Variants in ARHGAP6 observed in about 807,000 individuals in gnomAD.
ARHGAP6 encodes the protein Rho GTPase activating protein 6.
A neutral mutation model predicts 55.7 loss-of-function variants in ARHGAP6; 16 were observed. That is an observed-to-expected ratio of 0.29 (90% CI 0.19 to 0.44). The LOEUF (loss-of-function observed/expected upper bound fraction) is 0.44, where lower values mean the gene tolerates loss of function less well. Among genes scored for constraint, ARHGAP6 ranks in the 20% least tolerant of loss-of-function variants. The probability of loss-of-function intolerance (pLI) is 1.00; values close to 1 mark genes in which losing one functional copy is unlikely to be tolerated. For missense variants in ARHGAP6, 698 were observed against 808.9 expected (o/e 0.86, Z 1.66); for synonymous variants, 382 against 360.9 (o/e 1.06, Z -0.66).
intron 1 of ARHGAP6, among the ~76,000 whole-genome samples, chrX:11,403,686 C>A (rs1283651004): frequency 4.5e-5 from 5 of 112,143 alleles, no homozygotes; most frequent in East Asian, 5.6e-4. Flanking sequence ...AAGGCGCTTC[C>A]ATAGGAAAGT....
At chrX:11,370,909 A>G (rs1451817762) in intron 1 of ARHGAP6, among the ~76,000 whole-genome samples, 1 of 111,374 alleles carries the variant, frequency 9.0e-6, no homozygotes, top group Non-Finnish European at 1.9e-5. Context: ...CAACAACAAC[A>G]ACAACAACAA....
At chrX:11,521,383 C>T (rs1215766999) in intron 1 of ARHGAP6, among the ~76,000 whole-genome samples, 1 of 112,199 alleles carries the variant, frequency 8.9e-6, no homozygotes, top group African/African-American at 3.2e-5. Context: ...AATGGCTAGC[C>T]AGTTTTCCCA....
chrX:11,502,678 C>T (rs1603233991), intron 1 of ARHGAP6, among the ~76,000 whole-genome samples: 1 of 111,657 alleles, frequency 9.0e-6, no homozygotes, highest in East Asian at 2.8e-4. Context: ...TCTGCTTCTA[C>T]TTAATGAATA....
chrX:11,312,817 C>A (rs769666497), intron 1 of ARHGAP6, among the ~76,000 whole-genome samples: 1 of 111,453 alleles, frequency 9.0e-6, no homozygotes, highest in East Asian at 2.8e-4. Context: ...TTACCAACTT[C>A]TGTCAACTCT....
At chrX:11,208,748 T>A (rs143292788) in intron 2 of ARHGAP6, among the ~76,000 whole-genome samples, 1,817 of 111,886 alleles carry the variant, frequency 0.016, 47 homozygotes, top group African/African-American at 0.055. Flanking sequence ...CTGAGTTCAG[T>A]CATGCAGACA....
chrX:11,169,183 C>G (rs1037414923), intron 9 of ARHGAP6: 1 of 172,655 alleles, frequency 5.8e-6, no homozygotes, highest in African/African-American at 3.0e-5. Flanking sequence ...TCATGAGGGA[C>G]ACAATTCCAT....
intron 1 of ARHGAP6, among the ~76,000 whole-genome samples, chrX:11,402,793 T>G (rs966161280): frequency 8.9e-6 from 1 of 111,935 alleles, no homozygotes; most frequent in African/African-American, 3.2e-5. Context: ...TGAGCATCAG[T>G]TGTGGCAGAG....
chrX:11,518,105 C>A (rs978354859), intron 1 of ARHGAP6, among the ~76,000 whole-genome samples: 1 of 111,727 alleles, frequency 9.0e-6, no homozygotes, highest in African/African-American at 3.2e-5. Context: ...TCATCCACAA[C>A]CAAAATCAGT....
intron 1 of ARHGAP6, among the ~76,000 whole-genome samples, chrX:11,650,187 G>C (rs140660503): frequency 3.1e-4 from 34 of 109,474 alleles, no homozygotes; most frequent in Non-Finnish European, 5.7e-4. Context: ...TGTAGATATG[G>C]GGTCTCACTA....
intron 1 of ARHGAP6, among the ~76,000 whole-genome samples, chrX:11,567,221 A>G (rs1050875274): frequency 9.0e-6 from 1 of 111,598 alleles, no homozygotes; most frequent in African/African-American, 3.3e-5. Context: ...TGGAGTCTGA[A>G]ACAAGGATTT....
At chrX:11,286,300 CTCTA>C (rs1440640724) in intron 1 of ARHGAP6, among the ~76,000 whole-genome samples, 1 of 111,598 alleles carries the variant, frequency 9.0e-6, no homozygotes, top group Non-Finnish European at 1.9e-5. Context: ...ACCCATCACC[CTCTA>C]TCTTTTTTAG....
chrX:11,575,508 CCA>C (rs989326140), intron 1 of ARHGAP6, among the ~76,000 whole-genome samples: 4 of 111,154 alleles, frequency 3.6e-5, no homozygotes, highest in Non-Finnish European at 5.7e-5. Context: ...GAACTAGATA[CCA>C]GAGGTTAGAA....
intron 1 of ARHGAP6, chrX:11,298,622 C>A (rs2106416): frequency 1.1e-5 from 13 of 1,207,207 alleles, no homozygotes; most frequent in Admixed American, 2.2e-5. Flanking sequence ...CCCAACAGCA[C>A]CCCCCGACTC....
At chrX:11,462,126 G>A (rs962553932) in intron 1 of ARHGAP6, among the ~76,000 whole-genome samples, 16 of 112,391 alleles carry the variant, frequency 1.4e-4, no homozygotes, top group African/African-American at 4.8e-4. Context: ...AGGGGATACA[G>A]ATAGTAAGAG....
chrX:11,499,386 G>C (rs760589737), intron 1 of ARHGAP6, among the ~76,000 whole-genome samples: 2 of 100,911 alleles, frequency 2.0e-5, no homozygotes, highest in Non-Finnish European at 4.0e-5. Context: ...TCAACTTCAG[G>C]CAAGCAGTTT....
At chrX:11,552,599 TAG>T (rs1491265982) in intron 1 of ARHGAP6, among the ~76,000 whole-genome samples, 47 of 48,202 alleles carry the variant, frequency 9.8e-4, no homozygotes, top group East Asian at 5.1e-3. Context: ...TATATATATA[TAG>T]ACACACACAC....
chrX:11,179,202 A>T, intron 7 of ARHGAP6, 100 bp downstream of exon 7: 2 of 867,808 alleles, frequency 2.3e-6, no homozygotes, highest in Non-Finnish European at 3.1e-6. Flanking sequence ...ATAAATAAGG[A>T]CAAAAAGTTA....
chrX:11,159,541 T>A (rs1388888153), intron 9 of ARHGAP6, among the ~76,000 whole-genome samples: 1 of 111,133 alleles, frequency 9.0e-6, no homozygotes, highest in Non-Finnish European at 1.9e-5. Flanking sequence ...GCTTGGGGCC[T>A]AGGCAACTAG....
chrX:11,664,703 C>T lies in ARHGAP6; in HGVS notation c.126G>A (p.Leu42=). The change falls in exon 1 of 13, where the codon CTG becomes CTA. Residue 42 remains leucine, a synonymous_variant. Coordinates refer to ENST00000337414, the MANE Select transcript of ARHGAP6 (RefSeq NM_013427.3). ...CCTCGTCGCTCCCGCAGCCGCCGAT[C>T]AGGGCCGGGTCCAGGCTGCGGGTCT... ...LRQTRSLDPA[L]IGGCGSDEAG... 8.4e-7 allele frequency: 1 copy of T among 1,183,530 alleles called. No homozygotes were observed. Among genetic ancestry groups the T allele is most frequent in the East Asian group, 3.0e-5 (1 of 32,854 alleles).
Sources: allele counts gnomAD v4.1 joint callset (sites outside exome capture counted in the v4.1 genomes callset), GRCh38; gene constraint gnomAD v4.1.1; transcripts MANE v1.5; gene names NCBI Gene and HGNC (gene_info 2026-07-23, HGNC 2026-07-21).